LCLAT1: variants seen among roughly 807,000 people sequenced by gnomAD.
LCLAT1 encodes 1-AGP acyltransferase 8.
LCLAT1 carries 11 observed loss-of-function variants against 30.7 expected under a neutral mutation model. That is an observed-to-expected ratio of 0.36 (90% CI 0.23 to 0.59). LCLAT1 has a LOEUF of 0.59. Among genes scored for constraint, LCLAT1 ranks in the 20% least tolerant of loss-of-function variants. LCLAT1 has a pLI of 0.77. For synonymous variants in LCLAT1, 155 were observed against 151.3 expected (o/e 1.02, Z -0.18); for missense variants, 402 against 458.6 (o/e 0.88, Z 1.13).
chr2:30,470,826 A>T lies in LCLAT1; in HGVS notation c.-5+23443A>T, dbSNP rs187859837. Among the ~76,000 whole-genome samples the T allele has an allele frequency of 1.1e-3, 168 of 152,066 alleles. 2 individuals carry two copies. The Middle Eastern group carries it at 0.014, about 12-fold the overall frequency. On this transcript the variant is annotated intron_variant, in intron 1 of 5. Coordinates refer to ENST00000379509, the MANE Select transcript of LCLAT1 (RefSeq NM_001002257.3). ...TTATTGGAATTTTGATAGAGATTGA[A>T]TTGAGTCTGTAGATTGCTTTGAGTA... is the stretch of plus-strand genomic sequence containing the variant.
intron 1 of LCLAT1, among the ~76,000 whole-genome samples, chr2:30,467,107 A>C (rs1374579626): frequency 6.6e-6 from 1 of 151,802 alleles, no homozygotes; most frequent in African/African-American, 2.4e-5. Flanking sequence ...ACCCCACGAC[A>C]GGCCCCGATG....
chr2:30,471,400 G>T (rs1339762145), intron 1 of LCLAT1, among the ~76,000 whole-genome samples: 2 of 151,816 alleles, frequency 1.3e-5, no homozygotes, highest in East Asian at 3.9e-4. Context: ...AGTAGAGACA[G>T]GGTTTCGCCA....
intron 5 of LCLAT1, among the ~76,000 whole-genome samples, chr2:30,626,441 CTT>C (rs964141772): frequency 1.3e-5 from 2 of 152,088 alleles, no homozygotes; most frequent in East Asian, 1.9e-4. Flanking sequence ...GTATACAAGT[CTT>C]TGTGATTTTC....
At chr2:30,541,703 T>C (rs1353543425) in intron 3 of LCLAT1, among the ~76,000 whole-genome samples, 2 of 152,238 alleles carry the variant, frequency 1.3e-5, no homozygotes, top group African/African-American at 2.4e-5. Flanking sequence ...TTAAATTGCA[T>C]ACCGTCATGT....
chr2:30,567,294 CGATT>C (rs1665533096), intron 4 of LCLAT1, among the ~76,000 whole-genome samples: 3 of 152,132 alleles, frequency 2.0e-5, no homozygotes, highest in Admixed American at 2.0e-4. Flanking sequence ...GTATAAAAAT[CGATT>C]TATGCCTTTG....
At chr2:30,557,283 C>CGTGTGTGTGTGTGTGTGTGTGTGT (rs373793652) in intron 3 of LCLAT1, among the ~76,000 whole-genome samples, 1 of 138,562 alleles carries the variant, frequency 7.2e-6, no homozygotes, top group African/African-American at 2.8e-5. Context: ...AAGGTATGAT[C>CGTGTGTGTGTGTGTGTGTGTGTGT]GTGTGTGTGT....
In LCLAT1 at chr2:30,588,784, G is replaced by A. The variant is rs111986442; in HGVS notation, c.628+20608G>A. ...CCTGGCTAATTTTGTATTTTTAGTC[G>A]AGACAGGGTTTCTTCATGCTGGTCA... On this transcript the variant is annotated intron_variant, in intron 5 of 5. Coordinates refer to ENST00000379509, the MANE Select transcript of LCLAT1 (RefSeq NM_001002257.3). Among the ~76,000 whole-genome samples, 1,326 of 152,020 alleles carry A rather than the reference G, an allele frequency of 8.7e-3. 15 individuals carry two copies. Among genetic ancestry groups the A allele is most frequent in the African/African-American group, 0.03 (1,231 of 41,474 alleles).
At chr2:30,480,731 G>A (rs1306001118) in intron 1 of LCLAT1, among the ~76,000 whole-genome samples, 2 of 152,114 alleles carry the variant, frequency 1.3e-5, no homozygotes, top group African/African-American at 2.4e-5. Flanking sequence ...TTTAGCCTGG[G>A]CAATAGAGTG....
intron 1 of LCLAT1, among the ~76,000 whole-genome samples, chr2:30,486,284 ATTATG>A (rs959306677): frequency 1.3e-5 from 2 of 152,230 alleles, no homozygotes; most frequent in East Asian, 1.9e-4. Context: ...AAATTTTTAT[ATTATG>A]TTATCACATT....
At chr2:30,637,366 T>C (rs1172508788) in intron 5 of LCLAT1, among the ~76,000 whole-genome samples, 2 of 152,054 alleles carry the variant, frequency 1.3e-5, no homozygotes, top group Non-Finnish European at 2.9e-5. Flanking sequence ...GTAAGACATA[T>C]TAACATCTTA....
chr2:30,496,338 G>A (rs1302988635), intron 1 of LCLAT1, among the ~76,000 whole-genome samples: 4 of 152,140 alleles, frequency 2.6e-5, no homozygotes, highest in African/African-American at 7.2e-5. Context: ...AATCCTGTAG[G>A]GTAGTGCCAG....
At position 30,641,917 on chromosome 2, in the gene LCLAT1, T is replaced by TC. The variant is rs1296036955; in HGVS notation, c.*1298_*1299insC. On this transcript the variant is annotated 3_prime_UTR_variant, in exon 6 of 6. Transcript: ENST00000379509. The stretch of plus-strand genomic sequence containing the variant: ...TTTTCTTTTTTTTTTTCTTTTTTTT[T>TC]TTGTCGTGTAAGAAGGATGCTGGTC... 1.3e-5 allele frequency: 2 copies of TC among 151,124 alleles called. No individual in the cohort carries two copies. The highest frequency in any genetic ancestry group is 4.9e-5 in the African/African-American group (2 of 41,178). 9.4% of individuals were successfully genotyped at this position (151,124 alleles called of 1,614,324 possible). A position where few individuals can be genotyped will look rare whatever the true frequency, so the allele number is the denominator to read the frequency against.
intron 3 of LCLAT1, among the ~76,000 whole-genome samples, chr2:30,535,898 A>G (rs1686217596): frequency 6.6e-6 from 1 of 152,166 alleles, no homozygotes; most frequent in African/African-American, 2.4e-5. Flanking sequence ...GAGAACACAG[A>G]TAAAGTATTC....
intron 1 of LCLAT1, among the ~76,000 whole-genome samples, chr2:30,515,402 T>A (rs910763405): frequency 5.3e-5 from 8 of 152,372 alleles, no homozygotes; most frequent in African/African-American, 1.9e-4. Flanking sequence ...CTAAGGAGAT[T>A]CTATGAAAAT....
rs67813132 is a variant in LCLAT1, at chr2:30,555,839, C to CTT, written c.365-6292_365-6291dup. Among the ~76,000 whole-genome samples the CTT allele has an allele frequency of 6.6e-4, 84 of 127,104 alleles. No individual in the cohort carries two copies. In the South Asian group the frequency reaches 8.0e-3, roughly 12 times the overall value. 83.4% of individuals were successfully genotyped at this position (127,104 alleles called of 152,430 possible). ...ACAAACTATTTCTTTTTTTCTTTTT[C>CTT]TTTTTTTTTTTTTTTTGAGATAGAG... On this transcript the variant is annotated intron_variant, in intron 3 of 5. Transcript: ENST00000379509.
At chr2:30,552,771 A>G (rs891431023) in intron 3 of LCLAT1, 3 of 212,296 alleles carry the variant, frequency 1.4e-5, no homozygotes, top group Non-Finnish European at 3.0e-5. Flanking sequence ...TATTTGTATA[A>G]CTACTATTAA....
At chr2:30,573,956 G>T (rs1165416527) in intron 5 of LCLAT1, among the ~76,000 whole-genome samples, 1 of 151,844 alleles carries the variant, frequency 6.6e-6, no homozygotes, top group Non-Finnish European at 1.5e-5. Flanking sequence ...GCCTGGTTAA[G>T]ATGACGAAAC....
intron 3 of LCLAT1, among the ~76,000 whole-genome samples, chr2:30,533,621 G>A (rs1055921784): frequency 1.3e-5 from 2 of 152,186 alleles, no homozygotes; most frequent in African/African-American, 4.8e-5. Context: ...GGTAGTACTT[G>A]TGATTTCGGC....
intron 3 of LCLAT1, among the ~76,000 whole-genome samples, chr2:30,537,697 A>G (rs761851896): frequency 6.6e-6 from 1 of 152,132 alleles, no homozygotes; most frequent in African/African-American, 2.4e-5. Flanking sequence ...ATCAACCAAG[A>G]CATATACTGG....
Sources: allele counts gnomAD v4.1 joint callset (sites outside exome capture counted in the v4.1 genomes callset), GRCh38; gene constraint gnomAD v4.1.1; transcripts MANE v1.5; gene names NCBI Gene and HGNC (gene_info 2026-07-23, HGNC 2026-07-21).